The following MATN2 variants were observed in gnomAD, a reference collection of about 807,000 sequenced individuals.
The protein encoded by MATN2 is matrilin 2, also known as matrilin-2.
In MATN2, 69 loss-of-function variants were observed where a neutral mutation model predicts 103.2. The observed-to-expected ratio is 0.67, with a 90% CI of 0.55 to 0.82. The LOEUF is 0.82. MATN2 is among the 40% of genes least tolerant of loss of function. The pLI is 0.00. For missense variants in MATN2, 1,023 were observed against 1,211.5 expected, an observed-to-expected ratio of 0.84 and a Z score of 2.31; for synonymous variants, 429 against 450.2, an observed-to-expected ratio of 0.95 and a Z score of 0.60.
chr8:97,871,955 A>G (rs1817911560), intron 1 of MATN2, among the ~76,000 whole-genome samples: 1 of 152,186 alleles, frequency 6.6e-6, no homozygotes, highest in Non-Finnish European at 1.5e-5. Context: ...ACCTGCAAAG[A>G]TTTTGGAAAG....
chr8:97,916,230 T>C (rs1354461449), intron 2 of MATN2, among the ~76,000 whole-genome samples: 3 of 152,074 alleles, frequency 2.0e-5, no homozygotes, highest in South Asian at 2.1e-4. Context: ...CTACAACACC[T>C]GGCTAATTTT....
chr8:97,917,699 T>A (rs1402184678), intron 2 of MATN2, among the ~76,000 whole-genome samples: 2 of 152,192 alleles, frequency 1.3e-5, no homozygotes, highest in African/African-American at 2.4e-5. Context: ...TCCATCTGGG[T>A]GTACATTGTT....
At chr8:97,992,603 G>A (rs1271423484) in intron 6 of MATN2, among the ~76,000 whole-genome samples, 1 of 151,736 alleles carries the variant, frequency 6.6e-6, no homozygotes, top group East Asian at 1.9e-4. Context: ...AAAATTAGCT[G>A]GGCACAGTGG....
rs531889369 is a variant in MATN2 at position 97,963,962 on chromosome 8, T to C, written c.958+2432T>C. On this transcript the variant is annotated intron_variant, in intron 5 of 18. Coordinates refer to ENST00000254898, the MANE Select transcript of MATN2 (RefSeq NM_002380.5). ...GCTATGGTGAGTACAACGCAAATGA[T>C]AGAGAAAATATTGGCCACGGAAGGT... 3.3e-5 allele frequency among the ~76,000 whole-genome samples: 5 copies of C among 152,134 alleles called. No individual in the cohort carries two copies. The South Asian group carries it at 1.0e-3, about 32-fold the overall frequency.
intron 1 of MATN2, among the ~76,000 whole-genome samples, chr8:97,876,642 G>C (rs1445519671): frequency 1.3e-5 from 2 of 152,020 alleles, no homozygotes; most frequent in Non-Finnish European, 2.9e-5. Flanking sequence ...TCTTATTGAC[G>C]TATACATACA....
chr8:97,888,148 C>T lies in MATN2; in HGVS notation c.48C>T (p.Ile16=), dbSNP rs186093758. Residue 16 remains isoleucine, a synonymous_variant, in exon 2 of 19, where the codon ATC becomes ATT. Coordinates refer to ENST00000254898, the MANE Select transcript of MATN2 (RefSeq NM_002380.5). ...GCTTTCTGCTGATCCTCGGACAGATCGTCCTCCTCCCTGCCGAGGCCAGGG... is the reference window on the plus strand; with the variant it reads ...GCTTTCTGCTGATCCTCGGACAGATTGTCCTCCTCCCTGCCGAGGCCAGGG... ...AGCFLLILGQ[I]VLLPAEARER... 14 of 1,609,288 alleles carry T rather than the reference C, an allele frequency of 8.7e-6. No homozygotes were observed. Among genetic ancestry groups the T allele is most frequent in the African/African-American group, 4.0e-5 (3 of 74,770 alleles).
At chr8:98,024,523 CAACA>C (rs1313977139) in intron 13 of MATN2, among the ~76,000 whole-genome samples, 3 of 152,012 alleles carry the variant, frequency 2.0e-5, no homozygotes, top group Non-Finnish European at 2.9e-5. Flanking sequence ...ACAACAACAA[CAACA>C]AACAAACAAA....
intron 2 of MATN2, among the ~76,000 whole-genome samples, chr8:97,891,959 G>A (rs555443233): frequency 3.3e-5 from 5 of 151,758 alleles, no homozygotes; most frequent in South Asian, 2.1e-4. Context: ...AAATGAGGCC[G>A]TGCACAGTGG....
At chr8:98,020,592 C>T (rs1813554508) in intron 12 of MATN2, among the ~76,000 whole-genome samples, 2 of 152,236 alleles carry the variant, frequency 1.3e-5, no homozygotes, top group Non-Finnish European at 2.9e-5. Flanking sequence ...ATTCCTGCTT[C>T]CTAGAGGGAT....
intron 15 of MATN2, among the ~76,000 whole-genome samples, chr8:98,030,958 C>CG (rs1046266817): frequency 7.2e-5 from 11 of 152,068 alleles, no homozygotes; most frequent in African/African-American, 2.7e-4. Context: ...CCACCGTGTC[C>CG]GGCCAGCATG....
At chr8:98,003,839 C>T (rs780531617) in intron 8 of MATN2, 56 bp downstream of exon 8, 51 of 1,576,682 alleles carry the variant, frequency 3.2e-5, no homozygotes, top group South Asian at 1.4e-4. Context: ...CTCATGGGGG[C>T]GGGCGGGTTC....
In MATN2 at chr8:97,994,075, AAAG is replaced by A. The variant is rs913591732; in HGVS notation, c.1082-402_1082-400del. Among the ~76,000 whole-genome samples, 32 of 150,764 alleles carry A rather than the reference AAAG, an allele frequency of 2.1e-4. No individual in the cohort carries two copies. In the Admixed American group the frequency reaches 2.1e-3, roughly 10 times the overall value. ...AAGAGAGAAAGAAAGAAAGAAAGAA[AAAG>A]AAAGAAAGAAAGAAGAAAGGAAGAA... On this transcript the variant is annotated intron_variant, in intron 6 of 18. Coordinates refer to ENST00000254898, the MANE Select transcript of MATN2 (RefSeq NM_002380.5).
intron 7 of MATN2, among the ~76,000 whole-genome samples, chr8:98,000,671 G>T (rs1188197932): frequency 6.6e-6 from 1 of 151,848 alleles, no homozygotes; most frequent in Non-Finnish European, 1.5e-5. Flanking sequence ...TTTGTAAAGT[G>T]GTTGGCACAG....
intron 2 of MATN2, among the ~76,000 whole-genome samples, chr8:97,921,841 A>C (rs1447955119): frequency 6.6e-6 from 1 of 152,164 alleles, no homozygotes; most frequent in Non-Finnish European, 1.5e-5. Flanking sequence ...TCATAAATAA[A>C]ATGCGTACAG....
At chr8:98,022,425 G>A (rs1813631820) in intron 13 of MATN2, among the ~76,000 whole-genome samples, 1 of 151,736 alleles carries the variant, frequency 6.6e-6, no homozygotes, top group Admixed American at 6.6e-5. Flanking sequence ...CCAAATGCAT[G>A]TATTATTTTT....
intron 5 of MATN2, among the ~76,000 whole-genome samples, chr8:97,967,783 C>A (rs886751464): frequency 6.6e-6 from 1 of 152,234 alleles, no homozygotes; most frequent in African/African-American, 2.4e-5. Context: ...AGTGGCTCTA[C>A]CATTCTCAGG....
chr8:97,948,114 C>A (rs74436043), intron 4 of MATN2, among the ~76,000 whole-genome samples: 3,318 of 152,240 alleles, frequency 0.022, 130 homozygotes, highest in African/African-American at 0.076. Flanking sequence ...AAATCTCCAA[C>A]AAGAAGTACA....
chr8:97,912,825 T>C (rs1485407241), intron 2 of MATN2, among the ~76,000 whole-genome samples: 3 of 152,102 alleles, frequency 2.0e-5, no homozygotes, highest in African/African-American at 4.8e-5. Context: ...GCCAAGATGC[T>C]GAGGATGACA....
intron 2 of MATN2, among the ~76,000 whole-genome samples, chr8:97,920,140 G>A (rs1278268076): frequency 1.3e-5 from 2 of 152,174 alleles, no homozygotes; most frequent in African/African-American, 2.4e-5. Context: ...TGGGATGGTG[G>A]CTTTTGAAGA....
Sources: gnomAD v4.1 joint callset for allele counts (sites outside exome capture counted in the v4.1 genomes callset) on GRCh38, gnomAD v4.1.1 for gene constraint, MANE v1.5 for transcripts, NCBI Gene and HGNC (gene_info 2026-07-23, HGNC 2026-07-21) for gene names.